Variants in AREL1 observed in about 807,000 individuals in gnomAD.
AREL1 encodes the protein apoptosis resistant E3 ubiquitin protein ligase 1.
A neutral mutation model predicts 99.0 loss-of-function variants in AREL1; 62 were observed. The observed-to-expected ratio is 0.63, with a 90% CI of 0.51 to 0.77. AREL1 has a LOEUF of 0.77. Ranked by LOEUF, AREL1 falls within the 30% of genes least tolerant of loss-of-function variation. AREL1 has a pLI of 0.00. For missense variants in AREL1, 879 were observed against 1,027.6 expected (o/e 0.86, Z 1.98); for synonymous variants, 380 against 376.5 (o/e 1.01, Z -0.11).
intron 3 of AREL1, 48 bp from the exon 4 acceptor site, chr14:74,684,728 A>T (rs2089712669): frequency 3.2e-6 from 5 of 1,550,836 alleles, no homozygotes; most frequent in Non-Finnish European, 4.4e-6. Flanking sequence ...TACACATTAC[A>T]GCTTTTCATT....
intron 13 of AREL1, 172 bp downstream of exon 13, chr14:74,670,590 T>C: frequency 1.7e-6 from 1 of 579,534 alleles, no homozygotes. Context: ...ACAGATGAAA[T>C]AATAAAGGCA....
At chr14:74,674,699 T>C (rs2089432604) in intron 8 of AREL1, among the ~76,000 whole-genome samples, 1 of 152,228 alleles carries the variant, frequency 6.6e-6, no homozygotes, top group Non-Finnish European at 1.5e-5. Context: ...ATATCTGGGA[T>C]CAGGTTTTCA....
chr14:74,711,264 GCA>G (rs1245620381), intron 1 of AREL1, among the ~76,000 whole-genome samples: 5 of 149,198 alleles, frequency 3.4e-5, no homozygotes, highest in Non-Finnish European at 7.4e-5. Context: ...TTGGGGCTTG[GCA>G]CAGTGGCTCA....
At chr14:74,664,776 C>A in intron 18 of AREL1, 60 bp downstream of exon 18, 1 of 1,521,048 alleles carries the variant, frequency 6.6e-7, no homozygotes, top group South Asian at 1.1e-5. Flanking sequence ...CTTTTTTCTT[C>A]TGAAACTTTT....
intron 1 of AREL1, among the ~76,000 whole-genome samples, chr14:74,701,153 T>A (rs1177693624): frequency 6.6e-6 from 1 of 152,020 alleles, no homozygotes; most frequent in Admixed American, 6.6e-5. Context: ...CAATGATCTG[T>A]GAGGTCAAAT....
chr14:74,696,465 C>T (rs1256140975), intron 1 of AREL1, among the ~76,000 whole-genome samples: 3 of 152,100 alleles, frequency 2.0e-5, no homozygotes, highest in Non-Finnish European at 4.4e-5. Context: ...ACTAGTATCT[C>T]GGGGACCAAA....
At chr14:74,677,081 G>T (rs1402613097) in intron 5 of AREL1, among the ~76,000 whole-genome samples, 1 of 151,742 alleles carries the variant, frequency 6.6e-6, no homozygotes, top group East Asian at 2.0e-4. Flanking sequence ...TTACAGGCGT[G>T]AGCCACCACG....
intron 5 of AREL1, among the ~76,000 whole-genome samples, chr14:74,678,944 G>A (rs1377015516): frequency 2.0e-5 from 3 of 152,260 alleles, no homozygotes; most frequent in South Asian, 2.1e-4. Flanking sequence ...AGGCTGGAGT[G>A]TAGTGGCAAG....
At chr14:74,672,544 C>T (rs558186170) in intron 11 of AREL1, among the ~76,000 whole-genome samples, 35 of 152,068 alleles carry the variant, frequency 2.3e-4, no homozygotes, top group African/African-American at 7.7e-4. Flanking sequence ...CGAGACCAGC[C>T]GGAGCAATAT....
At chr14:74,666,196 CT>C in intron 17 of AREL1, among the ~76,000 whole-genome samples, 1 of 151,826 alleles carries the variant, frequency 6.6e-6, no homozygotes, top group Non-Finnish European at 1.5e-5. Flanking sequence ...CCTAAAATTA[CT>C]TTTTCCCCCA....
chr14:74,705,929 T>C (rs1313345169), intron 1 of AREL1, among the ~76,000 whole-genome samples: 2 of 152,206 alleles, frequency 1.3e-5, no homozygotes, highest in Non-Finnish European at 2.9e-5. Context: ...TAATGTTGAG[T>C]ATAACAGGGA....
At chr14:74,705,881 GCA>G (rs925447610) in intron 1 of AREL1, among the ~76,000 whole-genome samples, 1 of 152,126 alleles carries the variant, frequency 6.6e-6, no homozygotes, top group African/African-American at 2.4e-5. Flanking sequence ...TTCATTCTCA[GCA>G]CAGTTTAGAG....
intron 1 of AREL1, among the ~76,000 whole-genome samples, chr14:74,694,320 G>A (rs570162623): frequency 1.3e-5 from 2 of 152,282 alleles, no homozygotes; most frequent in South Asian, 2.1e-4. Context: ...AGAGCACTAT[G>A]TAGAATACTA....
intron 3 of AREL1, among the ~76,000 whole-genome samples, 179 bp downstream of exon 3, chr14:74,685,421 T>C (rs969603711): frequency 6.6e-6 from 1 of 152,230 alleles, no homozygotes; most frequent in Admixed American, 6.5e-5. Context: ...GCATTGACTA[T>C]AATTGCTCAA....
At chr14:74,675,668 G>A in intron 8 of AREL1, 31 bp downstream of exon 8, 3 of 1,605,096 alleles carry the variant, frequency 1.9e-6, no homozygotes, top group Non-Finnish European at 2.6e-6. Context: ...TTCAAGCAGG[G>A]GGATTTTATG....
intron 12 of AREL1, among the ~76,000 whole-genome samples, 180 bp downstream of exon 12, chr14:74,671,228 T>C (rs960398559): frequency 2.0e-5 from 3 of 150,134 alleles, no homozygotes; most frequent in Non-Finnish European, 4.4e-5. Flanking sequence ...CAGTAAATAC[T>C]ACCCTTTTTT....
rs374979700 is a variant in AREL1 at position 74,685,596 on chromosome 14, G to A, written c.16+4C>T. On this transcript the variant is annotated splice_donor_region_variant and intron_variant, in intron 3 of 19. Transcript: ENST00000356357. ...TAATAGAGAGAGCTCTTTCCATAAC[G>A]TACCAATAACGTAAAACATCAGGTC... 4.3e-6 allele frequency: 7 copies of A among 1,614,102 alleles called. No homozygotes were observed. The East Asian group carries it at 8.9e-5, about 21-fold the overall frequency.
chr14:74,711,896 T>C (rs1402641907), intron 1 of AREL1: 1 of 151,968 alleles, frequency 6.6e-6, no homozygotes, highest in African/African-American at 2.4e-5. Context: ...ATAAGGGTTA[T>C]ACAATGGTCA....
At chr14:74,665,247 T>C (rs1007815199) in intron 17 of AREL1, among the ~76,000 whole-genome samples, 2 of 151,844 alleles carry the variant, frequency 1.3e-5, no homozygotes, top group Non-Finnish European at 2.9e-5. Flanking sequence ...AGAAAAAAAA[T>C]TGCTCAGGTA....
Sources: allele counts gnomAD v4.1 joint callset (sites outside exome capture counted in the v4.1 genomes callset), GRCh38; gene constraint gnomAD v4.1.1; transcripts MANE v1.5; gene names NCBI Gene and HGNC (gene_info 2026-07-23, HGNC 2026-07-21).